Variants in TMEM260 observed in about 807,000 individuals in gnomAD.
TMEM260 encodes protein O-mannosyl-transferase TMEM260.
A neutral mutation model predicts 88.9 loss-of-function variants in TMEM260; 82 were observed. The observed-to-expected ratio is 0.92, with a 90% CI of 0.77 to 1.11. TMEM260 has a LOEUF of 1.11. Among genes scored for constraint, TMEM260 ranks in the 50% least tolerant of loss-of-function variants. TMEM260 has a pLI of 0.00. For missense variants in TMEM260, 902 were observed against 853.4 expected, an observed-to-expected ratio of 1.06 and a Z score of -0.71; for synonymous variants, 314 against 309.3, an observed-to-expected ratio of 1.02 and a Z score of -0.16.
the TMEM260 span, among the ~76,000 whole-genome samples, chr14:56,662,775 G>A: frequency 6.6e-6 from 1 of 152,204 alleles, no homozygotes; most frequent in African/African-American, 2.4e-5. Context: ...TCAGTGCAAG[G>A]GCATTTGGGA....
chr14:56,616,271 C>A (rs1295021485), intron 8 of TMEM260: 1 of 354,794 alleles, frequency 2.8e-6, no homozygotes, highest in Non-Finnish European at 5.1e-6. Flanking sequence ...TCCTAAACTT[C>A]AGGTTTGATC....
chr14:56,643,733 G>GATGACAT (rs1889768181), intron 15 of TMEM260, among the ~76,000 whole-genome samples: 1 of 152,240 alleles, frequency 6.6e-6, no homozygotes, highest in African/African-American at 2.4e-5. Context: ...CCTGTTTGCA[G>GATGACAT]ATGACATGAT....
intron 3 of TMEM260, among the ~76,000 whole-genome samples, chr14:56,588,593 A>G (rs766776846): frequency 6.6e-6 from 1 of 152,042 alleles, no homozygotes; most frequent in Admixed American, 6.5e-5. Context: ...GCAAGAACTC[A>G]TTTATATTTG....
At chr14:56,638,112 G>A (rs942105478) in intron 15 of TMEM260, 1 of 145,030 alleles carries the variant, frequency 6.9e-6, no homozygotes, top group Non-Finnish European at 1.5e-5. Flanking sequence ...GCAAGAGAGG[G>A]AGGGGAGAGC....
chr14:56,621,517 A>T lies in TMEM260; in HGVS notation c.1227-14A>T. The T allele has an allele frequency of 6.3e-7, 1 of 1,576,854 alleles. No individual in the cohort carries two copies. The highest frequency in any genetic ancestry group is 1.9e-5 in the Admixed American group (1 of 53,368). ...AGTGTTGCTATTTTAATTTTTTTGG[A>T]TCCTTTTATTTAGTGTTTGTGACCA... On this transcript the variant is annotated splice_polypyrimidine_tract_variant and intron_variant, in intron 10 of 15. Coordinates refer to ENST00000261556, the MANE Select transcript of TMEM260 (RefSeq NM_017799.4).
intron 15 of TMEM260, 69 bp from the exon 16 acceptor site, chr14:56,647,174 T>G (rs1441702298): frequency 6.6e-7 from 1 of 1,509,008 alleles, no homozygotes; most frequent in Non-Finnish European, 8.8e-7. Flanking sequence ...TCCTCTGTGT[T>G]TTTTTGTTTT....
chr14:56,652,691 C>T (rs954852554), downstream of TMEM260, among the ~76,000 whole-genome samples: 6 of 152,096 alleles, frequency 3.9e-5, no homozygotes, highest in East Asian at 1.2e-3. Flanking sequence ...TTCAATTATG[C>T]AGAGCTTAAA....
intron 6 of TMEM260, among the ~76,000 whole-genome samples, chr14:56,610,155 A>C (rs980193316): frequency 3.3e-5 from 5 of 152,180 alleles, no homozygotes; most frequent in African/African-American, 4.8e-5. Flanking sequence ...TGGGATAAGG[A>C]AGAAAAAGTC....
the TMEM260 span, among the ~76,000 whole-genome samples, chr14:56,662,608 A>C: frequency 6.6e-6 from 1 of 152,198 alleles, no homozygotes; most frequent in Non-Finnish European, 1.5e-5. Flanking sequence ...ACTGCCTTTC[A>C]ACACACACAC....
At chr14:56,608,252 TTC>T (rs1307653653) in intron 5 of TMEM260, among the ~76,000 whole-genome samples, 2 of 152,202 alleles carry the variant, frequency 1.3e-5, no homozygotes, top group African/African-American at 4.8e-5. Context: ...ACATATGAAT[TTC>T]TCTTTTTTGT....
At chr14:56,633,286 G>T (rs1228582200) in intron 13 of TMEM260, 115 bp downstream of exon 13, 1 of 759,158 alleles carries the variant, frequency 1.3e-6, no homozygotes, top group East Asian at 2.8e-5. Context: ...TGTTAATATT[G>T]TTACTTGCTA....
At chr14:56,611,154 G>C (rs1887248771) in intron 6 of TMEM260, among the ~76,000 whole-genome samples, 2 of 151,850 alleles carry the variant, frequency 1.3e-5, no homozygotes, top group South Asian at 4.1e-4. Context: ...TTTTAGTAGA[G>C]ACAGGGTTTC....
intron 3 of TMEM260, among the ~76,000 whole-genome samples, chr14:56,602,532 A>G (rs752251905): frequency 3.1e-4 from 47 of 152,130 alleles, no homozygotes; most frequent in Non-Finnish European, 5.4e-4. Flanking sequence ...AGGAAACTTG[A>G]TGTGATGTTA....
At chr14:56,636,158 G>GTGTTGGGTACCTTCA (rs1566571888) in intron 14 of TMEM260, among the ~76,000 whole-genome samples, 1 of 152,186 alleles carries the variant, frequency 6.6e-6, no homozygotes, top group African/African-American at 2.4e-5. Flanking sequence ...CATGAGCTTC[G>GTGTTGGGTACCTTCA]TGTTGGGTAC....
At chr14:56,646,741 C>CTAGTGTTGT (rs956143406) in intron 15 of TMEM260, among the ~76,000 whole-genome samples, 2 of 152,044 alleles carry the variant, frequency 1.3e-5, no homozygotes, top group Non-Finnish European at 2.9e-5. Flanking sequence ...TTTATCGTTG[C>CTAGTGTTGT]TAGTGTTGTT....
intron 5 of TMEM260, among the ~76,000 whole-genome samples, chr14:56,606,501 T>G (rs1171070461): frequency 6.6e-6 from 1 of 152,206 alleles, no homozygotes; most frequent in Non-Finnish European, 1.5e-5. Context: ...GATAACTATA[T>G]TTACTGTACT....
chr14:56,630,076 A>AT (rs912310329), intron 12 of TMEM260, among the ~76,000 whole-genome samples: 5 of 151,944 alleles, frequency 3.3e-5, no homozygotes, highest in African/African-American at 7.2e-5. Context: ...AAGTAAGTTA[A>AT]TTTTTTTGGC....
At chr14:56,602,048 A>G (rs909856590) in intron 3 of TMEM260, among the ~76,000 whole-genome samples, 3 of 152,150 alleles carry the variant, frequency 2.0e-5, no homozygotes, top group Non-Finnish European at 4.4e-5. Context: ...TCCTTTATAA[A>G]TGTTAGAAAT....
At chr14:56,607,837 G>T (rs1200411821) in intron 5 of TMEM260, among the ~76,000 whole-genome samples, 1 of 152,112 alleles carries the variant, frequency 6.6e-6, no homozygotes, top group Non-Finnish European at 1.5e-5. Context: ...ATTTTAATGT[G>T]CAGTTAGGAT....
Sources: allele counts gnomAD v4.1 joint callset (sites outside exome capture counted in the v4.1 genomes callset), GRCh38; gene constraint gnomAD v4.1.1; transcripts MANE v1.5; gene names NCBI Gene and HGNC (gene_info 2026-07-23, HGNC 2026-07-21).